The following SMOC2 variants were observed in gnomAD, a reference collection of about 807,000 sequenced individuals.
SMOC2 encodes SPARC-related modular calcium-binding protein 2.
SMOC2 carries 39 observed loss-of-function variants against 61.4 expected under a neutral mutation model. The observed-to-expected ratio is 0.64, with a 90% CI of 0.49 to 0.83. The LOEUF (loss-of-function observed/expected upper bound fraction) is 0.83. Among genes scored for constraint, SMOC2 ranks in the 40% least tolerant of loss-of-function variants. SMOC2 has a pLI of 0.00. For synonymous variants in SMOC2, 247 were observed against 239.9 expected (o/e 1.03, Z -0.27); for missense variants, 556 against 592.9 (o/e 0.94, Z 0.65).
intron 4 of SMOC2, among the ~76,000 whole-genome samples, chr6:168,541,349 G>C (rs1158517164): frequency 6.6e-6 from 1 of 152,200 alleles, no homozygotes; most frequent in Non-Finnish European, 1.5e-5. Context: ...GGTGTTCACT[G>C]TCTGCAGACA....
chr6:168,626,552 A>G (rs539512157), intron 9 of SMOC2, among the ~76,000 whole-genome samples: 5 of 152,326 alleles, frequency 3.3e-5, no homozygotes, highest in African/African-American at 1.2e-4. Flanking sequence ...GCGACACTCC[A>G]CATTCTGCTA....
At chr6:168,528,302 T>C (rs1288557994) in intron 4 of SMOC2, among the ~76,000 whole-genome samples, 5 of 145,900 alleles carry the variant, frequency 3.4e-5, no homozygotes, top group Non-Finnish European at 7.5e-5. Context: ...CTGTAAATGA[T>C]TTAGATCATT....
At chr6:168,645,620 G>A (rs1787005243) in intron 9 of SMOC2, among the ~76,000 whole-genome samples, 1 of 152,170 alleles carries the variant, frequency 6.6e-6, no homozygotes, top group African/African-American at 2.4e-5. Flanking sequence ...GACAGCCCGG[G>A]CACAAGAGTG....
intron 10 of SMOC2, among the ~76,000 whole-genome samples, chr6:168,651,778 C>T (rs1293086047): frequency 6.6e-6 from 1 of 152,198 alleles, no homozygotes; most frequent in African/African-American, 2.4e-5. Flanking sequence ...CAGGGGCTCA[C>T]GCCTGTAATC....
chr6:168,453,091 C>T lies in SMOC2; in HGVS notation c.84+11637C>T, dbSNP rs192007580. Among the ~76,000 whole-genome samples, 29 of 152,266 alleles carry T rather than the reference C, an allele frequency of 1.9e-4. No homozygotes were observed. The highest frequency in any genetic ancestry group is 5.9e-4 in the Admixed American group (9 of 15,294). The stretch of plus-strand genomic sequence containing the variant: ...GCACCAGAGTCCCCAGGGCCTTGGC[C>T]GGACACTCAGGGCAATCTGCCCTGA... On this transcript the variant is annotated intron_variant, in intron 1 of 12. Transcript: ENST00000356284. The surrounding 1 kb of genome is among the most constrained non-coding windows in gnomAD (Gnocchi z 4.4).
chr6:168,663,283 C>T (rs1287797267), intron 11 of SMOC2, among the ~76,000 whole-genome samples: 1 of 152,122 alleles, frequency 6.6e-6, no homozygotes, highest in Non-Finnish European at 1.5e-5. Context: ...GTGCAGAGGG[C>T]GGTGAAGCCA....
chr6:168,444,653 C>T (rs888946492), intron 1 of SMOC2, among the ~76,000 whole-genome samples: 2 of 152,166 alleles, frequency 1.3e-5, no homozygotes, highest in African/African-American at 4.8e-5. Flanking sequence ...GAAGGAGGTA[C>T]ATTGAATGCC....
At chr6:168,588,628 G>A (rs1785101314) in intron 7 of SMOC2, among the ~76,000 whole-genome samples, 1 of 152,188 alleles carries the variant, frequency 6.6e-6, no homozygotes, top group Non-Finnish European at 1.5e-5. Flanking sequence ...TTACATTACA[G>A]GATTGAAGCG....
chr6:168,636,254 C>T (rs1027328755), intron 9 of SMOC2, among the ~76,000 whole-genome samples: 6 of 152,132 alleles, frequency 3.9e-5, no homozygotes, highest in South Asian at 4.1e-4. Context: ...GCATGGTGCT[C>T]GGCACAGGTG....
chr6:168,458,234 G>A (rs999237861), intron 1 of SMOC2, among the ~76,000 whole-genome samples: 6 of 152,114 alleles, frequency 3.9e-5, no homozygotes, highest in African/African-American at 1.2e-4. Flanking sequence ...GGAGGGAGAC[G>A]GTCTCACCCT....
intron 8 of SMOC2, among the ~76,000 whole-genome samples, chr6:168,604,730 C>T (rs906925432): frequency 1.2e-4 from 19 of 152,188 alleles, no homozygotes; most frequent in African/African-American, 4.6e-4. Context: ...TATGTGACCT[C>T]TCTTATCCTC....
At chr6:168,560,504 G>A (rs201936908) in intron 7 of SMOC2, among the ~76,000 whole-genome samples, 7,851 of 124,848 alleles carry the variant, frequency 0.063, 429 homozygotes, top group African/African-American at 0.085. Context: ...GCCCTGAGAT[G>A]TGAGGCTCTC....
intron 1 of SMOC2, among the ~76,000 whole-genome samples, chr6:168,474,346 C>T (rs1562546404): frequency 6.6e-6 from 1 of 152,116 alleles, no homozygotes; most frequent in Non-Finnish European, 1.5e-5. Context: ...GCACCTTTCA[C>T]AGTGCCCCGC....
intron 8 of SMOC2, among the ~76,000 whole-genome samples, chr6:168,607,029 G>A (rs866683045): frequency 1.3e-4 from 20 of 152,050 alleles, no homozygotes; most frequent in African/African-American, 3.4e-4. Context: ...GGGGTCCTGC[G>A]AGTCCACAGA....
At chr6:168,665,528 C>T (rs912776141) in intron 12 of SMOC2, among the ~76,000 whole-genome samples, 2 of 152,258 alleles carry the variant, frequency 1.3e-5, no homozygotes, top group African/African-American at 2.4e-5. Flanking sequence ...CGGGAAGGTG[C>T]ATGATGCTAA....
intron 9 of SMOC2, among the ~76,000 whole-genome samples, chr6:168,615,089 C>A (rs1786030780): frequency 1.1e-5 from 1 of 93,906 alleles, no homozygotes; most frequent in Non-Finnish European, 2.2e-5. Context: ...GGCACAGGGC[C>A]TCTTCACACC....
chr6:168,560,586 TGTCATTTTCCTGCCCTGAGACACGAGGC>T (rs1784393275), intron 7 of SMOC2, among the ~76,000 whole-genome samples: 1 of 85,566 alleles, frequency 1.2e-5, no homozygotes, highest in South Asian at 6.0e-4. Flanking sequence ...TTGGAGGAGG[TGTCATTTTCCTGCCCTGAGACACGAGGC>T]TCTCACTGCA....
Position 168,596,559 on chromosome 6 carries a change from G to C in SMOC2, c.638-2259G>C, listed in dbSNP as rs184046675. 2.0e-3 allele frequency among the ~76,000 whole-genome samples: 305 copies of C among 152,328 alleles called. 2 individuals carry two copies. Among genetic ancestry groups the C allele is most frequent in the African/African-American group, 6.9e-3 (286 of 41,546 alleles). Reference sequence around the variant, plus strand: ...TGAGTTTCCCGGGTGCTGCTGGAGAGGCAGTTTCCGCCATCCTCAGCTGCT... The same window carrying C: ...TGAGTTTCCCGGGTGCTGCTGGAGACGCAGTTTCCGCCATCCTCAGCTGCT... On this transcript the variant is annotated intron_variant, in intron 7 of 12. Transcript: ENST00000356284.
intron 7 of SMOC2, among the ~76,000 whole-genome samples, chr6:168,589,627 T>G (rs1409444332): frequency 6.6e-6 from 1 of 150,846 alleles, no homozygotes; most frequent in Admixed American, 6.6e-5. Flanking sequence ...GGTGTGGCAT[T>G]AGTTTAGGGG....
Sources: gnomAD v4.1 joint callset for allele counts (sites outside exome capture counted in the v4.1 genomes callset) on GRCh38, gnomAD v4.1.1 for gene constraint, Gnocchi (gnomAD v3.1) non-coding constraint, MANE v1.5 for transcripts, NCBI Gene and HGNC (gene_info 2026-07-23, HGNC 2026-07-21) for gene names.